Variants in SH2B1 observed in about 807,000 individuals in gnomAD.
SH2B1 encodes the protein SH2B adaptor protein 1.
In SH2B1, 15 loss-of-function variants were observed where a neutral mutation model predicts 62.6. The ratio of observed to expected loss-of-function variants is 0.24; its 90% confidence interval spans 0.16 to 0.37. The LOEUF is 0.37. Among genes scored for constraint, SH2B1 ranks in the 10% least tolerant of loss-of-function variants. The pLI, the probability that SH2B1 is intolerant of heterozygous loss-of-function variation, is 1.00. For missense variants in SH2B1, 925 were observed against 1,015.6 expected (o/e 0.91, Z 1.21); for synonymous variants, 443 against 438.0 (o/e 1.01, Z -0.14).
intron 1 of SH2B1, among the ~76,000 whole-genome samples, chr16:28,855,129 C>A (rs1390503775): frequency 6.6e-6 from 1 of 151,930 alleles, no homozygotes; most frequent in Non-Finnish European, 1.5e-5. Flanking sequence ...CCACCTTGGC[C>A]TCTGAAGGTG....
At chr16:28,860,257 T>C (rs1009595945), upstream of SH2B1, among the ~76,000 whole-genome samples, 40 of 151,560 alleles carry the variant, frequency 2.6e-4, 1 homozygote, top group African/African-American at 8.7e-4. Context: ...GAATTTTTTT[T>C]TTTTTTTTTT....
At chr16:28,868,219 A>C (rs1962834451) in intron 2 of SH2B1, among the ~76,000 whole-genome samples, 1 of 151,832 alleles carries the variant, frequency 6.6e-6, no homozygotes. Flanking sequence ...GACTCACTGC[A>C]AGCTCCACCT....
chr16:28,870,596 G>C (rs151011280), intron 4 of SH2B1, among the ~76,000 whole-genome samples: 1 of 152,262 alleles, frequency 6.6e-6, no homozygotes, highest in African/African-American at 2.4e-5. Context: ...TGCCTCTTAA[G>C]AGTTAGGGGC....
Position 28,865,046 on chromosome 16 carries a change from C to T in SH2B1, c.-1049C>T. ...TGGGTGCTCATAAGGTGGTTTGAGC[C>T]CTGGTCTGACTCAAGTCCATGGCCT... On this transcript the variant is annotated 5_prime_UTR_variant, in exon 1 of 8. Transcript: ENST00000684370. 1 of 981,268 alleles carries T rather than the reference C, an allele frequency of 1.0e-6. No homozygotes were observed. Among genetic ancestry groups the T allele is most frequent in the Middle Eastern group, 5.2e-4 (1 of 1,906 alleles). 60.8% of individuals were successfully genotyped at this position (981,268 alleles called of 1,614,324 possible).
chr16:28,866,702 C>G lies in SH2B1; in HGVS notation c.608C>G (p.Ser203Cys). ...GGTGGAAACAGCAACTCCAACTCCT[C>G]TGGCGGGGCTGGGACCGTTGGTAGG... is the stretch of plus-strand genomic sequence containing the variant. ...VLGGNSNSNS[S>C]GGAGTVGRGL... The change falls in exon 1 of 8, where the codon TCT becomes TGT. Residue 203 changes from serine (S) to cysteine (C), a missense_variant. Ser to Cys is a moderately radical substitution (Grantham distance 112). This residue lies in a region of SH2B1 where 683 missense variants were observed against 704.0 expected (regional missense o/e 0.97). Transcript: ENST00000684370. The surrounding 1 kb of genome is among the most constrained non-coding windows in gnomAD (Gnocchi z 6.3). 6.3e-7 allele frequency: 1 copy of G among 1,593,780 alleles called. No individual in the cohort carries two copies. Among genetic ancestry groups the G allele is most frequent in the Non-Finnish European group, 8.6e-7 (1 of 1,169,422 alleles).
In SH2B1 at chr16:28,847,816, C is replaced by CTTTT. The variant is rs34950443; in HGVS notation, c.-301+1012_-301+1015dup. Among the ~76,000 whole-genome samples the CTTTT allele has an allele frequency of 3.6e-4, 30 of 84,248 alleles. 1 individual carries two copies. The highest frequency in any genetic ancestry group is 5.8e-4 in the Non-Finnish European group (26 of 44,550). 55.3% of individuals were successfully genotyped at this position (84,248 alleles called of 152,430 possible). On this transcript the variant is annotated intron_variant, in intron 1 of 10. Transcript: ENST00000322610. ...CGTGAGTGACAGAGAAAGACCCCAT[C>CTTTT]TTTTTTTTTTTTTTTTTTTTTTTTT...
chr16:28,873,818 T>C lies in SH2B1; in HGVS notation c.2269T>C (p.Ter757ArgextTer97). 1 of 1,434,858 alleles carries C rather than the reference T, an allele frequency of 7.0e-7. No individual in the cohort carries two copies. Among genetic ancestry groups the C allele is most frequent in the Non-Finnish European group, 9.1e-7 (1 of 1,095,992 alleles). 88.9% of individuals were successfully genotyped at this position (1,434,858 alleles called of 1,614,324 possible). The stretch of plus-strand genomic sequence containing the variant: ...CATTAACAACCAGTACTCCTTCGTG[T>C]GAGCCAACCCCACCCGCTCCACCCT... ...RAINNQYSFV[*>R] The change falls in exon 8 of 8, where the codon TGA (stop) becomes CGA (arginine). Residue 757 changes from the stop codon to arginine, a stop_lost. Coordinates refer to ENST00000684370, the MANE Select transcript of SH2B1 (RefSeq NM_001387430.1). This position sits in a 1 kb window ranked among gnomAD's most constrained non-coding sequence, Gnocchi z 4.2.
chr16:28,860,547 C>T (rs1962420911), upstream of SH2B1, among the ~76,000 whole-genome samples: 1 of 152,018 alleles, frequency 6.6e-6, no homozygotes, highest in South Asian at 2.1e-4. Context: ...CCAGCCTCCT[C>T]CCACTTCTTT....
At chr16:28,869,651 C>T (rs1052275638) in intron 4 of SH2B1, among the ~76,000 whole-genome samples, 2 of 152,186 alleles carry the variant, frequency 1.3e-5, no homozygotes, top group African/African-American at 4.8e-5. Context: ...AGCGTCCTGC[C>T]AGCCACCGCT....
In SH2B1 at chr16:28,864,179, C is replaced by T. The variant is rs558370791; in HGVS notation, c.-1916C>T. On this transcript the variant is annotated 5_prime_UTR_variant, in exon 1 of 8. Coordinates refer to ENST00000684370, the MANE Select transcript of SH2B1 (RefSeq NM_001387430.1). The stretch of plus-strand genomic sequence containing the variant: ...GGGTCGGATCGGAGTATATGGACCA[C>T]CGGGCCCGGAGGGTCCGAGCCGAGA... 1.1e-5 allele frequency: 12 copies of T among 1,071,304 alleles called. No homozygotes were observed. The South Asian group carries it at 2.0e-4, about 18-fold the overall frequency. The allele number at this position is 1,071,304 out of a possible 1,614,324, so 66.4% of individuals were successfully genotyped here. A position where few individuals can be genotyped will look rare whatever the true frequency, so the allele number is the denominator to read the frequency against.
At chr16:28,862,658 C>G (rs1053634930), upstream of SH2B1, 1 of 142,842 alleles carries the variant, frequency 7.0e-6, no homozygotes, top group Non-Finnish European at 1.5e-5. Flanking sequence ...CTCTGTTGCC[C>G]GCGCTGGAGT....
rs1281940304 is a variant in SH2B1, at chr16:28,868,856, G to A, written c.1042-150G>A. ...TCAAGTGATCCTCCAGAGGTGCTGG[G>A]ATTACAGGTGTGAGCCTCTGTACCC... On this transcript the variant is annotated intron_variant, in intron 2 of 7. Transcript: ENST00000684370. 1.8e-5 allele frequency: 12 copies of A among 672,478 alleles called. No homozygotes were observed. In the East Asian group the frequency reaches 3.2e-4, roughly 18 times the overall value. 41.7% of individuals were successfully genotyped at this position (672,478 alleles called of 1,614,324 possible). A position where few individuals can be genotyped will look rare whatever the true frequency, so the allele number is the denominator to read the frequency against.
At position 28,866,619 on chromosome 16, in the gene SH2B1, C is replaced by T. The variant is rs201556509; in HGVS notation, c.525C>T (p.Thr175=). 47 of 1,613,700 alleles carry T rather than the reference C, an allele frequency of 2.9e-5. No individual in the cohort carries two copies. The highest frequency in any genetic ancestry group is 4.5e-5 in the East Asian group (2 of 44,878). ...GTGGCATCCTGCAGTGGCGGGGGAC[C>T]GTTGACCCTCCCTCCTCCGCTGGGC... ...SVRGILQWRG[T]VDPPSSAGPL... Residue 175 remains threonine (T), a synonymous_variant, in exon 1 of 8, where the codon ACC becomes ACT. Transcript: ENST00000684370. The surrounding 1 kb of genome is among the most constrained non-coding windows in gnomAD (Gnocchi z 6.3).
Position 28,866,890 on chromosome 16 carries a change from G to C in SH2B1, c.796G>C (p.Ala266Pro), listed in dbSNP as rs1327955209. Reference sequence around the variant, plus strand: ...GGCTGAGGAGGCAGCCCCTGACCCAGCCGGAGTGGGCCGGGGAGGAGGGGT... The same window carrying C: ...GGCTGAGGAGGCAGCCCCTGACCCACCCGGAGTGGGCCGGGGAGGAGGGGT... ...MGAEEAAPDP[A>P]GVGRGGGVAG... The change falls in exon 1 of 8, where the codon GCC becomes CCC. Residue 266 changes from alanine (A) to proline (P), a missense_variant. Coordinates refer to ENST00000684370, the MANE Select transcript of SH2B1 (RefSeq NM_001387430.1). This position sits in a 1 kb window ranked among gnomAD's most constrained non-coding sequence, Gnocchi z 6.3. 10 of 1,611,838 alleles carry C rather than the reference G, an allele frequency of 6.2e-6. No individual in the cohort carries two copies. Among genetic ancestry groups the C allele is most frequent in the African/African-American group, 1.3e-5 (1 of 74,924 alleles).
At position 28,863,971 on chromosome 16, in the gene SH2B1, C is replaced by T; in HGVS notation, c.-2124C>T. 1.4e-6 allele frequency: 2 copies of T among 1,434,864 alleles called. No individual in the cohort carries two copies. The highest frequency in any genetic ancestry group is 2.5e-5 in the East Asian group (1 of 39,506). 88.9% of individuals were successfully genotyped at this position (1,434,864 alleles called of 1,614,324 possible). A position where few individuals can be genotyped will look rare whatever the true frequency, so the allele number is the denominator to read the frequency against. On this transcript the variant is annotated 5_prime_UTR_variant, in exon 1 of 8. Coordinates refer to ENST00000684370, the MANE Select transcript of SH2B1 (RefSeq NM_001387430.1). ...GTGGGACCGGAACCGGAACCCCCCT[C>T]TTCAAGTACCTTTTCCCTCTCCGCG... is the stretch of plus-strand genomic sequence containing the variant.
At chr16:28,852,405 TAC>T (rs370302467) in intron 1 of SH2B1, among the ~76,000 whole-genome samples, 14 of 51,666 alleles carry the variant, frequency 2.7e-4, no homozygotes, top group East Asian at 1.0e-3. Context: ...CATATATATT[TAC>T]ATATATATTT....
intron 1 of SH2B1, among the ~76,000 whole-genome samples, chr16:28,851,000 C>T (rs1195088413): frequency 2.0e-5 from 3 of 151,498 alleles, no homozygotes; most frequent in Admixed American, 6.6e-5. Context: ...TGGTGAAACC[C>T]GTCTCTACTA....
chr16:28,850,816 G>A (rs1323231339), intron 1 of SH2B1, among the ~76,000 whole-genome samples: 2 of 140,676 alleles, frequency 1.4e-5, no homozygotes, highest in Admixed American at 7.2e-5. Context: ...CCGAGAGTGC[G>A]CCACTGCACT....
chr16:28,871,656 G>T (rs1438990514), intron 4 of SH2B1, 124 bp from the exon 5 acceptor site: 1 of 748,112 alleles, frequency 1.3e-6, no homozygotes. Flanking sequence ...ACTACCCACA[G>T]AGCTGTTTGG....
Sources: gnomAD v4.1 joint callset for allele counts (sites outside exome capture counted in the v4.1 genomes callset) on GRCh38, gnomAD v4.1.1 for gene constraint, gnomAD v4.1.1 regional missense constraint, Gnocchi (gnomAD v3.1) non-coding constraint, MANE v1.5 for transcripts, NCBI Gene and HGNC (gene_info 2026-07-23, HGNC 2026-07-21) for gene names.